RBMS3: variants seen among roughly 807,000 people sequenced by gnomAD.
RBMS3 encodes the protein RNA binding motif single stranded interacting protein 3.
Under a neutral mutation model 66.8 loss-of-function variants are expected in RBMS3, and 27 were observed. That is an observed-to-expected ratio of 0.40 (90% confidence interval 0.30 to 0.56). The LOEUF (loss-of-function observed/expected upper bound fraction) is 0.56. Among genes scored for constraint, RBMS3 ranks in the 20% least tolerant of loss-of-function variants. The pLI is 0.40. For missense variants in RBMS3, 513 were observed against 549.5 expected (o/e 0.93, Z 0.66); for synonymous variants, 188 against 183.0 (o/e 1.03, Z -0.22).
At chr3:29,826,303 TTA>T (rs1328134475) in intron 6 of RBMS3, among the ~76,000 whole-genome samples, 10 of 152,326 alleles carry the variant, frequency 6.6e-5, no homozygotes, top group African/African-American at 2.4e-4. Context: ...CATGCAGACT[TTA>T]CACACTGTAT....
At position 29,409,521 on chromosome 3, in the gene RBMS3, G is replaced by T. The variant is rs183865772; in HGVS notation, c.76-25222G>T. On this transcript the variant is annotated intron_variant, in intron 1 of 14. Transcript: ENST00000383767. The stretch of plus-strand genomic sequence containing the variant: ...CGACATCAGGAAATTATGTTGTTGG[G>T]ATTATTTCCTTACAGCATAGTGGAT... Among the ~76,000 whole-genome samples the T allele has an allele frequency of 6.6e-5, 10 of 152,312 alleles. No homozygotes were observed. In the East Asian group the frequency reaches 1.9e-3, roughly 29 times the overall value.
intron 14 of RBMS3, among the ~76,000 whole-genome samples, chr3:30,000,536 TG>T (rs1279601102): frequency 1.3e-5 from 2 of 152,178 alleles, no homozygotes; most frequent in African/African-American, 2.4e-5. Context: ...ATCCCATTAC[TG>T]GGTATATACC....
At chr3:29,958,870 A>AT (rs1696218023) in intron 12 of RBMS3, among the ~76,000 whole-genome samples, 1 of 152,208 alleles carries the variant, frequency 6.6e-6, no homozygotes, top group Non-Finnish European at 1.5e-5. Context: ...AAAAATGAGT[A>AT]TTAAAGTAGG....
intron 2 of RBMS3, among the ~76,000 whole-genome samples, chr3:29,438,682 A>G (rs1049446876): frequency 1.3e-5 from 2 of 152,226 alleles, no homozygotes; most frequent in African/African-American, 4.8e-5. Context: ...AAAATAGTAT[A>G]GTTAAAAACC....
intron 1 of RBMS3, among the ~76,000 whole-genome samples, chr3:29,301,438 T>G (rs947907267): frequency 1.3e-5 from 2 of 152,006 alleles, no homozygotes; most frequent in Non-Finnish European, 1.5e-5. Flanking sequence ...GGAAACTTGT[T>G]TAGCAGAAAT....
chr3:29,320,830 G>T (rs1484814180), intron 1 of RBMS3, among the ~76,000 whole-genome samples: 1 of 151,742 alleles, frequency 6.6e-6, no homozygotes, highest in East Asian at 1.9e-4. Flanking sequence ...TTAATAGAAA[G>T]GTCAGTTAAA....
chr3:29,717,581 C>T (rs1002440512), intron 4 of RBMS3, among the ~76,000 whole-genome samples: 2 of 152,182 alleles, frequency 1.3e-5, no homozygotes, highest in East Asian at 3.9e-4. Context: ...ACCAGAGCTA[C>T]TAGATTGCTA....
chr3:29,347,545 G>A (rs2036649789), intron 1 of RBMS3, among the ~76,000 whole-genome samples: 1 of 152,122 alleles, frequency 6.6e-6, no homozygotes, highest in Non-Finnish European at 1.5e-5. Flanking sequence ...TCGCGATGGG[G>A]GGAAAATGGT....
At chr3:29,731,556 T>G (rs1482827459) in intron 4 of RBMS3, among the ~76,000 whole-genome samples, 1 of 152,168 alleles carries the variant, frequency 6.6e-6, no homozygotes, top group Non-Finnish European at 1.5e-5. Context: ...TTTGCAGTCC[T>G]TCTTTACTCT....
intron 6 of RBMS3, among the ~76,000 whole-genome samples, chr3:29,816,282 GCACACACAGA>G (rs68142662): frequency 0.033 from 4,881 of 148,640 alleles, 230 homozygotes; most frequent in African/African-American, 0.093. Flanking sequence ...CCCTGTGCGC[GCACACACAGA>G]CACACACAGA....
rs149540794 is a variant in RBMS3 at position 29,716,825 on chromosome 3, A to G, written c.400-22895A>G. Among the ~76,000 whole-genome samples, 483 of 152,226 alleles carry G rather than the reference A, an allele frequency of 3.2e-3. 2 individuals are homozygous for G. Among genetic ancestry groups the G allele is most frequent in the Admixed American group, 6.1e-3 (93 of 15,266 alleles). Reference sequence around the variant, plus strand: ...TTTGTGGAAACTTAGTTAATAGTCTAAGTCAGTGTATTCTAATTTGTTTCT... The same window carrying G: ...TTTGTGGAAACTTAGTTAATAGTCTGAGTCAGTGTATTCTAATTTGTTTCT... On this transcript the variant is annotated intron_variant, in intron 4 of 14. Coordinates refer to ENST00000383767, the MANE Select transcript of RBMS3 (RefSeq NM_001003793.3).
intron 1 of RBMS3, among the ~76,000 whole-genome samples, chr3:29,402,383 G>A (rs1170256687): frequency 6.6e-6 from 1 of 151,994 alleles, no homozygotes; most frequent in African/African-American, 2.4e-5. Flanking sequence ...TTAAGGGATT[G>A]TGTCTTATTT....
intron 4 of RBMS3, among the ~76,000 whole-genome samples, chr3:29,607,552 A>G (rs568901189): frequency 6.6e-6 from 1 of 152,004 alleles, no homozygotes; most frequent in Admixed American, 6.6e-5. Flanking sequence ...TGGAGTTACT[A>G]TTTCAAAATA....
rs1048282163 is a variant in RBMS3 at position 30,005,568 on chromosome 3, A to G, written c.*1706A>G. On this transcript the variant is annotated 3_prime_UTR_variant, in exon 15 of 15. Transcript: ENST00000383767. The stretch of plus-strand genomic sequence containing the variant: ...TCCTGGAAAGGTCTCATTGTATTTG[A>G]ACAATAGTCTTCCCTCTAAATTACA... The G allele has an allele frequency of 1.3e-5, 2 of 151,870 alleles. No individual in the cohort carries two copies. The highest frequency in any genetic ancestry group is 4.8e-5 in the African/African-American group (2 of 41,396). The allele number at this position is 151,870 out of a possible 1,614,324, so 9.4% of individuals were successfully genotyped here.
intron 12 of RBMS3, among the ~76,000 whole-genome samples, chr3:29,951,075 T>G (rs1250578036): frequency 6.6e-6 from 1 of 151,928 alleles, no homozygotes; most frequent in Non-Finnish European, 1.5e-5. Context: ...TGCTGGTATT[T>G]TTAATTGTGC....
At chr3:29,948,230 T>C (rs1198615460) in intron 12 of RBMS3, among the ~76,000 whole-genome samples, 1 of 151,780 alleles carries the variant, frequency 6.6e-6, no homozygotes, top group Non-Finnish European at 1.5e-5. Context: ...CGAATAAAGT[T>C]CTTCATTGGA....
intron 3 of RBMS3, among the ~76,000 whole-genome samples, chr3:29,532,242 A>ATATG (rs1161179002): frequency 1.3e-5 from 1 of 76,266 alleles, no homozygotes; most frequent in African/African-American, 7.8e-5. Flanking sequence ...TTTCGCATAT[A>ATATG]TATGTATATA....
chr3:29,913,669 T>C (rs1427879278), intron 10 of RBMS3, among the ~76,000 whole-genome samples: 2 of 151,972 alleles, frequency 1.3e-5, no homozygotes, highest in Non-Finnish European at 2.9e-5. Context: ...CCTTAAAACT[T>C]CTATTGAGAA....
chr3:29,530,259 G>A (rs1379340060), intron 3 of RBMS3, among the ~76,000 whole-genome samples: 3 of 152,074 alleles, frequency 2.0e-5, no homozygotes, highest in Admixed American at 6.6e-5. Flanking sequence ...AATCAACACC[G>A]ATTCTGACAA....
Sources: gnomAD v4.1 joint callset for allele counts (sites outside exome capture counted in the v4.1 genomes callset) on GRCh38, gnomAD v4.1.1 for gene constraint, MANE v1.5 for transcripts, NCBI Gene and HGNC (gene_info 2026-07-23, HGNC 2026-07-21) for gene names.